MGAT4C: variants seen among roughly 807,000 people sequenced by gnomAD.
The protein encoded by MGAT4C is MGAT4 family member C, also known as alpha-1,3-mannosyl-glycoprotein 4-beta-N-acetylglucosaminyltransferase C.
MGAT4C carries 19 observed loss-of-function variants against 40.1 expected under a neutral mutation model. The ratio of observed to expected loss-of-function variants is 0.47; its 90% CI spans 0.33 to 0.70. The LOEUF is 0.70. Ranked by LOEUF, MGAT4C falls within the 30% of genes least tolerant of loss-of-function variation. MGAT4C has a pLI of 0.02. For missense variants in MGAT4C, 491 were observed against 563.2 expected (o/e 0.87, Z 1.30); for synonymous variants, 181 against 187.1 (o/e 0.97, Z 0.27).
At chr12:86,336,371 T>A (rs1409677750) in intron 3 of MGAT4C, among the ~76,000 whole-genome samples, 1 of 152,158 alleles carries the variant, frequency 6.6e-6, no homozygotes, top group Admixed American at 6.6e-5. Flanking sequence ...ATCTTATAAA[T>A]CTTCCTTGCC....
chr12:86,571,235 T>C lies in MGAT4C; in HGVS notation c.-228-135970A>G, dbSNP rs556399826. Among the ~76,000 whole-genome samples, 7 of 152,302 alleles carry C rather than the reference T, an allele frequency of 4.6e-5. No individual in the cohort carries two copies. In the East Asian group the frequency reaches 1.4e-3, roughly 29 times the overall value. On this transcript the variant is annotated intron_variant, in intron 2 of 7. Transcript: ENST00000548651. ...TTCTAAAATACTTTTAATGTAGAAA[T>C]ACATTTTATAGTAGTGATATTTTCT... is the stretch of plus-strand genomic sequence containing the variant.
intron 2 of MGAT4C, among the ~76,000 whole-genome samples, chr12:86,670,881 A>G (rs1414098988): frequency 6.6e-6 from 1 of 152,158 alleles, no homozygotes; most frequent in Non-Finnish European, 1.5e-5. Flanking sequence ...TTGCAACAAA[A>G]TATCTCGCTT....
intron 2 of MGAT4C, among the ~76,000 whole-genome samples, chr12:86,650,378 A>T (rs1963662178): frequency 6.6e-6 from 1 of 151,980 alleles, no homozygotes; most frequent in African/African-American, 2.4e-5. Context: ...GAGGAACCCC[A>T]TTATTACAAA....
intron 2 of MGAT4C, among the ~76,000 whole-genome samples, chr12:86,493,010 A>G (rs1295637474): frequency 6.6e-6 from 1 of 151,444 alleles, no homozygotes; most frequent in East Asian, 1.9e-4. Context: ...ACTTCTCAAA[A>G]GAAGACATTT....
At chr12:86,539,347 C>A (rs1056178244) in intron 2 of MGAT4C, among the ~76,000 whole-genome samples, 3 of 152,174 alleles carry the variant, frequency 2.0e-5, no homozygotes, top group Non-Finnish European at 4.4e-5. Flanking sequence ...CTACAAAGGA[C>A]ATGAACTCAT....
intron 1 of MGAT4C, among the ~76,000 whole-genome samples, chr12:86,094,283 C>A (rs901634764): frequency 6.6e-6 from 1 of 151,982 alleles, no homozygotes; most frequent in Non-Finnish European, 1.5e-5. Flanking sequence ...TCTTGGCATG[C>A]CACGATTTTT....
At chr12:86,354,148 A>AT (rs138799065) in intron 3 of MGAT4C, among the ~76,000 whole-genome samples, 2,015 of 152,240 alleles carry the variant, frequency 0.013, 27 homozygotes, top group South Asian at 0.044. Flanking sequence ...ACTGCCAAGG[A>AT]TTTTTTTACT....
intron 4 of MGAT4C, among the ~76,000 whole-genome samples, chr12:86,311,973 C>T (rs1954089347): frequency 6.6e-6 from 1 of 152,094 alleles, no homozygotes; most frequent in Non-Finnish European, 1.5e-5. Flanking sequence ...ACCTATGAGG[C>T]CCCATGATTG....
intron 4 of MGAT4C, among the ~76,000 whole-genome samples, chr12:86,299,325 G>A (rs1018228486): frequency 6.6e-6 from 1 of 152,090 alleles, no homozygotes; most frequent in Admixed American, 6.5e-5. Flanking sequence ...TACCGTGTTA[G>A]CCAGGATGGT....
intron 1 of MGAT4C, among the ~76,000 whole-genome samples, chr12:86,833,007 C>T (rs981014490): frequency 6.6e-6 from 1 of 151,804 alleles, no homozygotes; most frequent in African/African-American, 2.4e-5. Context: ...TTGAGGTAGA[C>T]ATTTACATCA....
intron 1 of MGAT4C, among the ~76,000 whole-genome samples, chr12:86,114,180 C>A (rs970307368): frequency 6.6e-6 from 1 of 151,782 alleles, no homozygotes; most frequent in African/African-American, 2.4e-5. Flanking sequence ...TTATTAATAT[C>A]CTGGTGTGTC....
intron 2 of MGAT4C, among the ~76,000 whole-genome samples, chr12:86,700,181 A>ATAGATAGG (rs1950338483): frequency 1.7e-5 from 2 of 116,722 alleles, no homozygotes; most frequent in Admixed American, 1.5e-4. Flanking sequence ...AGACAGACAG[A>ATAGATAGG]TAGATAGATA....
chr12:86,037,337 G>C (rs1232292604), intron 2 of MGAT4C, among the ~76,000 whole-genome samples: 1 of 149,884 alleles, frequency 6.7e-6, no homozygotes, highest in Non-Finnish European at 1.5e-5. Flanking sequence ...GCTAGCTTTT[G>C]AATTTGTTTG....
intron 2 of MGAT4C, among the ~76,000 whole-genome samples, chr12:86,564,778 G>A (rs1960016862): frequency 6.6e-6 from 1 of 152,114 alleles, no homozygotes; most frequent in Non-Finnish European, 1.5e-5. Flanking sequence ...TGTTATTCTG[G>A]CCCATTTATC....
intron 2 of MGAT4C, among the ~76,000 whole-genome samples, chr12:86,721,324 A>G (rs575903471): frequency 6.6e-6 from 1 of 152,182 alleles, no homozygotes; most frequent in East Asian, 1.9e-4. Context: ...TTACGTCAAC[A>G]TTTGAGGATT....
chr12:86,330,787 C>A (rs892784645), intron 4 of MGAT4C, among the ~76,000 whole-genome samples: 1 of 152,072 alleles, frequency 6.6e-6, no homozygotes, highest in East Asian at 1.9e-4. Flanking sequence ...CACAAATAAA[C>A]AATAAACAAT....
At chr12:86,405,679 T>C (rs1450272276) in intron 3 of MGAT4C, among the ~76,000 whole-genome samples, 1 of 151,476 alleles carries the variant, frequency 6.6e-6, no homozygotes, top group Non-Finnish European at 1.5e-5. Flanking sequence ...AATAAACAAA[T>C]AGGTAGAATC....
intron 2 of MGAT4C, among the ~76,000 whole-genome samples, chr12:86,436,606 A>T (rs1957142765): frequency 6.6e-6 from 1 of 151,778 alleles, no homozygotes; most frequent in African/African-American, 2.4e-5. Flanking sequence ...ATCATGATAT[A>T]ACTAAGACTC....
intron 3 of MGAT4C, among the ~76,000 whole-genome samples, chr12:86,349,819 G>A (rs187936631): frequency 1.5e-3 from 225 of 152,016 alleles, no homozygotes; most frequent in Non-Finnish European, 2.7e-3. Context: ...CATTTGTTAC[G>A]AATTATCTGT....
Sources: gnomAD v4.1 joint callset for allele counts (sites outside exome capture counted in the v4.1 genomes callset) on GRCh38, gnomAD v4.1.1 for gene constraint, MANE v1.5 for transcripts, NCBI Gene and HGNC (gene_info 2026-07-23, HGNC 2026-07-21) for gene names.